Variants in PLGRKT observed in about 807,000 individuals in gnomAD.
The protein encoded by PLGRKT is plasminogen receptor with a C-terminal lysine, also known as plasminogen receptor (KT).
In PLGRKT, 22 loss-of-function variants were observed where a neutral mutation model predicts 18.5. The ratio of observed to expected loss-of-function variants is 1.19; its 90% CI spans 0.85 to 1.70. The LOEUF (loss-of-function observed/expected upper bound fraction) is 1.70, where lower values mean the gene tolerates loss of function less well. PLGRKT is among the 40% of genes most tolerant of loss of function. The pLI, the probability that PLGRKT is intolerant of heterozygous loss-of-function variation, is 0.00. For synonymous variants in PLGRKT, 72 were observed against 52.8 expected (o/e 1.36, Z -1.58); for missense variants, 235 against 174.4 (o/e 1.35, Z -1.96).
chr9:5,365,188 T>A (rs920072160), intron 3 of PLGRKT, among the ~76,000 whole-genome samples: 19 of 152,158 alleles, frequency 1.2e-4, no homozygotes, highest in Middle Eastern at 3.4e-3. Flanking sequence ...AAGAAATGTA[T>A]AAGAGGAGCC....
intron 3 of PLGRKT, chr9:5,392,243 G>A (rs3739637): frequency 0.27 from 40,706 of 151,680 alleles, 6,351 homozygotes; most frequent in African/African-American, 0.39. Context: ...AAGTTGTTAT[G>A]GATGTTCACA....
chr9:5,437,382 T>C (rs1178203869), intron 1 of PLGRKT, among the ~76,000 whole-genome samples: 5 of 152,216 alleles, frequency 3.3e-5, no homozygotes, highest in Admixed American at 1.3e-4. Flanking sequence ...TTGCATCCCA[T>C]TGAAATTAAG....
At chr9:5,401,199 C>T (rs1388737559) in intron 3 of PLGRKT, among the ~76,000 whole-genome samples, 1 of 151,602 alleles carries the variant, frequency 6.6e-6, no homozygotes, top group Non-Finnish European at 1.5e-5. Context: ...ACACAAGACA[C>T]AGGACTATAA....
intron 3 of PLGRKT, among the ~76,000 whole-genome samples, chr9:5,372,396 A>G (rs1388639989): frequency 1.3e-5 from 2 of 152,222 alleles, no homozygotes; most frequent in Non-Finnish European, 2.9e-5. Context: ...CTATGAGGTT[A>G]GTCTATGAGT....
At chr9:5,370,351 T>C (rs926511187) in intron 3 of PLGRKT, among the ~76,000 whole-genome samples, 8 of 152,164 alleles carry the variant, frequency 5.3e-5, no homozygotes, top group East Asian at 3.8e-4. Context: ...CTTAATAAAA[T>C]AGTAAAGTTA....
intron 3 of PLGRKT, among the ~76,000 whole-genome samples, chr9:5,424,996 A>C (rs952057271): frequency 6.6e-6 from 1 of 152,166 alleles, no homozygotes; most frequent in African/African-American, 2.4e-5. Flanking sequence ...AACAGATATA[A>C]AGGTCAAAGT....
At chr9:5,368,423 C>A (rs1470738652) in intron 3 of PLGRKT, among the ~76,000 whole-genome samples, 1 of 152,100 alleles carries the variant, frequency 6.6e-6, no homozygotes, top group African/African-American at 2.4e-5. Context: ...TAAATCATAT[C>A]CTTTGCAGCC....
At chr9:5,373,542 G>C (rs146687294) in intron 3 of PLGRKT, among the ~76,000 whole-genome samples, 1 of 152,190 alleles carries the variant, frequency 6.6e-6, no homozygotes, top group African/African-American at 2.4e-5. Context: ...GTTCATGCCT[G>C]TAATTCCAGC....
Position 5,358,093 on chromosome 9 carries a change from A to G in PLGRKT, c.*146T>C, listed in dbSNP as rs1817177914. On this transcript the variant is annotated 3_prime_UTR_variant, in exon 6 of 6. Coordinates refer to ENST00000223864, the MANE Select transcript of PLGRKT (RefSeq NM_018465.4). Reference sequence around the variant, plus strand: ...TTTTGTGTTGAATGTTATAAATTTTATTTTAAAATAGCTCAAAACTATCTT... The same window carrying G: ...TTTTGTGTTGAATGTTATAAATTTTGTTTTAAAATAGCTCAAAACTATCTT... The G allele has an allele frequency of 3.5e-6, 2 of 564,814 alleles. No homozygotes were observed. The highest frequency in any genetic ancestry group is 7.2e-5 in the South Asian group (2 of 27,882). The allele number at this position is 564,814 out of a possible 1,614,324, so 35.0% of individuals were successfully genotyped here. A position where few individuals can be genotyped will look rare whatever the true frequency, so the allele number is the denominator to read the frequency against.
intron 3 of PLGRKT, among the ~76,000 whole-genome samples, chr9:5,383,139 C>T (rs1817777601): frequency 6.6e-6 from 1 of 152,174 alleles, no homozygotes; most frequent in Non-Finnish European, 1.5e-5. Flanking sequence ...TGTAAAGATG[C>T]AGGCAGAGAT....
At chr9:5,366,198 C>T (rs917802984) in intron 3 of PLGRKT, among the ~76,000 whole-genome samples, 4 of 152,026 alleles carry the variant, frequency 2.6e-5, no homozygotes, top group African/African-American at 4.8e-5. Context: ...TGAATTAATG[C>T]AATTGTTAAC....
intron 3 of PLGRKT, among the ~76,000 whole-genome samples, chr9:5,426,936 C>A (rs1475889120): frequency 6.6e-6 from 1 of 152,146 alleles, no homozygotes; most frequent in Non-Finnish European, 1.5e-5. Context: ...GGAGTGCGTG[C>A]CGCTTTCTGT....
intron 3 of PLGRKT, among the ~76,000 whole-genome samples, chr9:5,380,035 T>C (rs1817708481): frequency 6.6e-6 from 1 of 152,212 alleles, no homozygotes; most frequent in Admixed American, 6.5e-5. Flanking sequence ...ATTAAATAAA[T>C]TCTGATATAT....
In PLGRKT at chr9:5,395,125, G is replaced by A. The variant is rs1204146913; in HGVS notation, c.82-33237C>T. 2.0e-5 allele frequency among the ~76,000 whole-genome samples: 3 copies of A among 148,652 alleles called. No individual in the cohort carries two copies. The East Asian group carries it at 5.9e-4, about 29-fold the overall frequency. ...CTTTGCAAAAAAAAAAAAACTTAAT[G>A]AAAGATTATCTTCAAACAGATTATC... is the stretch of plus-strand genomic sequence containing the variant. On this transcript the variant is annotated intron_variant, in intron 3 of 5. Transcript: ENST00000223864.
chr9:5,390,574 C>A lies in PLGRKT; in HGVS notation c.82-28686G>T, dbSNP rs569146263. On this transcript the variant is annotated intron_variant, in intron 3 of 5. Coordinates refer to ENST00000223864, the MANE Select transcript of PLGRKT (RefSeq NM_018465.4). ...TTCTCCTTGGCATTTGATAATTCAG[C>A]AAATCAAGTTGGGGTTAGTGGCTTT... 8.1e-3 allele frequency among the ~76,000 whole-genome samples: 1,231 copies of A among 151,944 alleles called. 16 individuals are homozygous for A. The highest frequency in any genetic ancestry group is 0.037 in the Middle Eastern group (11 of 294).
chr9:5,389,835 T>C (rs74811873), intron 3 of PLGRKT, among the ~76,000 whole-genome samples: 2,247 of 151,964 alleles, frequency 0.015, 102 homozygotes, highest in African/African-American at 0.052. Context: ...CTTCATAGTA[T>C]GTGAAACGGA....
At chr9:5,392,729 T>C (rs1176647269) in intron 3 of PLGRKT, 4 of 152,002 alleles carry the variant, frequency 2.6e-5, no homozygotes, top group Non-Finnish European at 5.9e-5. Flanking sequence ...TTCAGACTAG[T>C]AACTGGCATT....
intron 2 of PLGRKT, among the ~76,000 whole-genome samples, chr9:5,435,188 C>T (rs923739440): frequency 1.8e-4 from 27 of 152,148 alleles, no homozygotes; most frequent in African/African-American, 5.3e-4. Context: ...GGCCAAAGGC[C>T]GCAGGGACCT....
chr9:5,424,665 A>ATTTT (rs1387074701), intron 3 of PLGRKT, among the ~76,000 whole-genome samples: 2 of 106,734 alleles, frequency 1.9e-5, no homozygotes, highest in African/African-American at 8.9e-5. Flanking sequence ...ATAATTATAT[A>ATTTT]TTTTATATAT....
Sources: gnomAD v4.1 joint callset for allele counts (sites outside exome capture counted in the v4.1 genomes callset) on GRCh38, gnomAD v4.1.1 for gene constraint, MANE v1.5 for transcripts, NCBI Gene and HGNC (gene_info 2026-07-23, HGNC 2026-07-21) for gene names.